FRMD6: variants seen among roughly 807,000 people sequenced by gnomAD.
The protein encoded by FRMD6 is FERM domain containing 6, also known as FERM domain-containing protein 6.
In FRMD6, 37 loss-of-function variants were observed where a neutral mutation model predicts 73.2. The observed-to-expected ratio is 0.51, with a 90% CI of 0.39 to 0.66. FRMD6 has a LOEUF of 0.66. FRMD6 is among the 30% of genes least tolerant of loss of function. The pLI, the probability that FRMD6 is intolerant of heterozygous loss-of-function variation, is 0.00. For synonymous variants in FRMD6, 273 were observed against 282.2 expected, an observed-to-expected ratio of 0.97 and a Z score of 0.33; for missense variants, 714 against 780.5, an observed-to-expected ratio of 0.91 and a Z score of 1.02.
intron 1 of FRMD6, among the ~76,000 whole-genome samples, chr14:51,568,652 T>C (rs547283778): frequency 6.6e-6 from 1 of 152,216 alleles, no homozygotes; most frequent in African/African-American, 2.4e-5. Context: ...CCAGCACCAT[T>C]TGTGAGTGAA....
the FRMD6 span, among the ~76,000 whole-genome samples, chr14:51,466,748 A>G: frequency 1.3e-5 from 2 of 152,222 alleles, no homozygotes; most frequent in Non-Finnish European, 2.9e-5. Context: ...TAAGTTCTAT[A>G]TGAAGCTTAT....
the FRMD6 span, among the ~76,000 whole-genome samples, chr14:51,435,695 A>C: frequency 9.2e-3 from 1,399 of 152,292 alleles, 22 homozygotes; most frequent in African/African-American, 0.032. Context: ...ATATGAAATT[A>C]CAGCTAGATA....
intron 1 of FRMD6, among the ~76,000 whole-genome samples, chr14:51,671,527 G>T (rs559323001): frequency 6.6e-6 from 1 of 152,252 alleles, no homozygotes; most frequent in Admixed American, 6.5e-5. Context: ...TACCTGAATA[G>T]GATCTAGTTT....
intron 1 of FRMD6, among the ~76,000 whole-genome samples, chr14:51,557,258 A>G (rs1305492576): frequency 1.3e-5 from 2 of 151,980 alleles, no homozygotes; most frequent in Non-Finnish European, 2.9e-5. Flanking sequence ...ATATATATAT[A>G]TATATATATA....
chr14:51,637,252 T>G (rs1228889122), intron 2 of FRMD6: 1 of 152,080 alleles, frequency 6.6e-6, no homozygotes, highest in East Asian at 1.9e-4. Context: ...ATTTCACATT[T>G]AAAAAATAAA....
At chr14:51,594,966 G>A (rs981612535) in intron 2 of FRMD6, among the ~76,000 whole-genome samples, 1 of 152,176 alleles carries the variant, frequency 6.6e-6, no homozygotes, top group Non-Finnish European at 1.5e-5. Flanking sequence ...ATCAGAACTT[G>A]CATAGAAGAG....
At chr14:51,714,554 TG>T (rs1044153376) in intron 9 of FRMD6, 65 of 152,364 alleles carry the variant, frequency 4.3e-4, no homozygotes, top group African/African-American at 1.6e-3. Flanking sequence ...GTCAAAGCCT[TG>T]CCCTCAACTT....
At chr14:51,725,710 C>A in intron 12 of FRMD6, 69 bp from the exon 13 acceptor site, 3 of 1,165,706 alleles carry the variant, frequency 2.6e-6, no homozygotes, top group South Asian at 1.3e-5. Flanking sequence ...AGCAATATGT[C>A]AGAATATATG....
chr14:51,486,937 T>A (rs910697815), upstream of FRMD6, among the ~76,000 whole-genome samples: 20 of 13,242 alleles, frequency 1.5e-3, no homozygotes, highest in African/African-American at 4.1e-3. Flanking sequence ...TATAAAACCG[T>A]TTTTTTTTTT....
upstream of FRMD6, among the ~76,000 whole-genome samples, chr14:51,648,630 C>T (rs1892186605): frequency 6.6e-6 from 1 of 152,210 alleles, no homozygotes; most frequent in African/African-American, 2.4e-5. Flanking sequence ...TGCTCTCCCT[C>T]CCTAGGCCTT....
At chr14:51,482,116 T>G in the FRMD6 span, among the ~76,000 whole-genome samples, 4 of 152,130 alleles carry the variant, frequency 2.6e-5, no homozygotes, top group Non-Finnish European at 4.4e-5. Context: ...TAGCAAAGGG[T>G]AACAGTCTCA....
At chr14:51,573,545 A>C (rs1157856076) in intron 2 of FRMD6, among the ~76,000 whole-genome samples, 1 of 152,214 alleles carries the variant, frequency 6.6e-6, no homozygotes, top group Non-Finnish European at 1.5e-5. Flanking sequence ...GTGAGGAGCC[A>C]GATCCCAGGG....
intron 2 of FRMD6, among the ~76,000 whole-genome samples, chr14:51,634,776 G>A (rs1273775184): frequency 1.3e-5 from 2 of 152,156 alleles, no homozygotes; most frequent in Non-Finnish European, 2.9e-5. Flanking sequence ...CTCTGGCCCT[G>A]CCACTAGTTA....
At position 51,522,377 on chromosome 14, in the gene FRMD6, C is replaced by T. The variant is rs562159601; in HGVS notation, c.-210+32957C>T. Among the ~76,000 whole-genome samples the T allele has an allele frequency of 2.6e-5, 4 of 152,168 alleles. No individual in the cohort carries two copies. The East Asian group carries it at 5.8e-4, about 22-fold the overall frequency. ...GACATAAATCTGAAGAACAGGGGCA[C>T]GGGTAAAATAACAAAATGATGGTCA... On this transcript the variant is annotated intron_variant, in intron 1 of 14. Coordinates refer to the FRMD6 transcript ENST00000356218.
the FRMD6 span, among the ~76,000 whole-genome samples, chr14:51,441,396 G>A: frequency 1.2e-4 from 19 of 152,336 alleles, no homozygotes; most frequent in African/African-American, 4.1e-4. Context: ...CCTTCCCTCA[G>A]TTAGGTCCCA....
At chr14:51,521,157 T>C (rs1884934962) in intron 1 of FRMD6, among the ~76,000 whole-genome samples, 1 of 152,162 alleles carries the variant, frequency 6.6e-6, no homozygotes, top group African/African-American at 2.4e-5. Flanking sequence ...GTGACGAAAA[T>C]GTTCTGTATC....
At chr14:51,445,407 A>G in the FRMD6 span, among the ~76,000 whole-genome samples, 1 of 152,176 alleles carries the variant, frequency 6.6e-6, no homozygotes, top group Admixed American at 6.5e-5. Context: ...GACCTCAAAA[A>G]TAAGTCCCCA....
the FRMD6 span, chr14:51,437,008 T>G: frequency 1.4e-6 from 1 of 704,900 alleles, no homozygotes; most frequent in African/African-American, 1.8e-5. Context: ...ATTATTATAC[T>G]TAAGTTCTGG....
Position 51,585,960 on chromosome 14 carries a change from T to TATATATATATATATATATAA in FRMD6, c.-147+15551_-147+15552insTATATATATATATATATAAA, listed in dbSNP as rs369811499. ...GTGTGTATATATATATATATATATA[T>TATATATATATATATATATAA]AACATTTTCTTTATCAAACCTTTGT... On this transcript the variant is annotated intron_variant, in intron 2 of 14. Transcript: ENST00000356218. 5.9e-3 allele frequency among the ~76,000 whole-genome samples: 534 copies of TATATATATATATATATATAA among 90,884 alleles called. 53 individuals carry two copies. Among genetic ancestry groups the TATATATATATATATATATAA allele is most frequent in the East Asian group, 0.025 (58 of 2,340 alleles). The allele number at this position is 90,884 out of a possible 152,430, so 59.6% of individuals were successfully genotyped here.
Sources: gnomAD v4.1 joint callset for allele counts (sites outside exome capture counted in the v4.1 genomes callset) on GRCh38, gnomAD v4.1.1 for gene constraint, MANE v1.5 for transcripts, NCBI Gene and HGNC (gene_info 2026-07-23, HGNC 2026-07-21) for gene names.